Variants in KMT2E observed in about 807,000 individuals in gnomAD.
The protein encoded by KMT2E is lysine methyltransferase 2E (inactive), also known as histone reader KMT2E.
Under a neutral mutation model 184.6 loss-of-function variants are expected in KMT2E, and 30 were observed. The observed-to-expected ratio is 0.16, with a 90% confidence interval of 0.12 to 0.22. The LOEUF is 0.22. Ranked by LOEUF, KMT2E falls within the 10% of genes least tolerant of loss-of-function variation. The pLI is 1.00. For synonymous variants in KMT2E, 815 were observed against 776.5 expected, an observed-to-expected ratio of 1.05 and a Z score of -0.82; for missense variants, 2,023 against 2,237.4, an observed-to-expected ratio of 0.90 and a Z score of 1.93.
At chr7:105,076,909 TGTGTGTGTGTA>T in intron 9 of KMT2E, 43 bp from the exon 10 acceptor site, 1 of 804,382 alleles carries the variant, frequency 1.2e-6, no homozygotes, top group Admixed American at 2.0e-5. Flanking sequence ...TGTGTGTGTG[TGTGTGTGTGTA>T]AGTCCGTAAG....
chr7:105,109,346 G>T (rs906741430), intron 23 of KMT2E, 118 bp downstream of exon 23: 2 of 1,003,736 alleles, frequency 2.0e-6, no homozygotes, highest in Non-Finnish European at 2.9e-6. Flanking sequence ...AATTTTAAAA[G>T]ATTCTCTCTG....
intron 1 of KMT2E, among the ~76,000 whole-genome samples, chr7:105,037,384 A>G (rs1377449046): frequency 6.6e-6 from 1 of 151,770 alleles, no homozygotes; most frequent in African/African-American, 2.4e-5. Flanking sequence ...TTTTTTTAAG[A>G]CAGGGTCTCC....
chr7:105,015,597 G>T (rs1345127395), intron 1 of KMT2E, among the ~76,000 whole-genome samples: 1 of 152,104 alleles, frequency 6.6e-6, no homozygotes, highest in East Asian at 1.9e-4. Context: ...AAAATAGTCT[G>T]TTTTTTTCCT....
chr7:105,015,460 C>T (rs922728791), intron 1 of KMT2E, among the ~76,000 whole-genome samples: 4 of 152,076 alleles, frequency 2.6e-5, no homozygotes, highest in African/African-American at 2.4e-5. Context: ...GAGTAAACCT[C>T]GTTTTGCCTA....
chr7:105,064,098 G>A (rs1796930064), intron 5 of KMT2E: 1 of 417,280 alleles, frequency 2.4e-6, no homozygotes, highest in African/African-American at 2.1e-5. Flanking sequence ...ACCAAGAAAG[G>A]CCTCCTCCCC....
intron 7 of KMT2E, among the ~76,000 whole-genome samples, chr7:105,074,389 G>A (rs1343332838): frequency 2.6e-5 from 4 of 152,168 alleles, no homozygotes; most frequent in Non-Finnish European, 5.9e-5. Flanking sequence ...CACTCGTAGT[G>A]TATGAGAGTG....
At chr7:105,038,057 G>A (rs889227799) in intron 1 of KMT2E, 69 bp from the exon 2 acceptor site, 1 of 152,124 alleles carries the variant, frequency 6.6e-6, no homozygotes, top group Non-Finnish European at 1.5e-5. Context: ...TACCATGTCA[G>A]TTAGAAGTAA....
At chr7:105,043,409 T>C (rs1021934769) in intron 3 of KMT2E, among the ~76,000 whole-genome samples, 3 of 151,652 alleles carry the variant, frequency 2.0e-5, no homozygotes, top group Admixed American at 6.6e-5. Flanking sequence ...GCTAATTTTT[T>C]GTATTTTTAG....
intron 23 of KMT2E, among the ~76,000 whole-genome samples, chr7:105,110,046 G>A (rs1398312843): frequency 6.6e-6 from 1 of 151,942 alleles, no homozygotes; most frequent in Non-Finnish European, 1.5e-5. Context: ...TGCTGGCCAG[G>A]CTGGTCTCAG....
At chr7:105,066,358 GCTTA>G (rs1265452845) in intron 5 of KMT2E, among the ~76,000 whole-genome samples, 1 of 151,940 alleles carries the variant, frequency 6.6e-6, no homozygotes, top group Non-Finnish European at 1.5e-5. Context: ...TACACTGATA[GCTTA>G]CTATTTCCCA....
chr7:105,074,884 G>A, intron 8 of KMT2E, 69 bp downstream of exon 8: 4 of 1,144,772 alleles, frequency 3.5e-6, no homozygotes, highest in Non-Finnish European at 4.7e-6. Flanking sequence ...TATAGGAGAG[G>A]CAGGAGAGTG....
Position 105,057,665 on chromosome 7 carries a change from C to T in KMT2E, c.72-4499C>T, listed in dbSNP as rs191650541. The stretch of plus-strand genomic sequence containing the variant: ...GTGGGATCTTGCTGTGTTGCCCCGA[C>T]TGGTCATGAACTTCTGGCCTCAAGT... On this transcript the variant is annotated intron_variant, in intron 3 of 26. Transcript: ENST00000311117. Among the ~76,000 whole-genome samples the T allele has an allele frequency of 5.5e-4, 83 of 152,180 alleles. 2 individuals carry two copies. In the East Asian group the frequency reaches 0.016, roughly 29 times the overall value.
chr7:105,110,256 G>A, intron 23 of KMT2E, 24 bp from the exon 24 acceptor site: 4 of 1,584,988 alleles, frequency 2.5e-6, no homozygotes, highest in Non-Finnish European at 3.5e-6. Flanking sequence ...TTCAATAGAG[G>A]ATAATGTGAT....
chr7:105,029,580 G>T (rs1307772002), intron 1 of KMT2E, among the ~76,000 whole-genome samples: 2 of 152,184 alleles, frequency 1.3e-5, no homozygotes, highest in Non-Finnish European at 2.9e-5. Context: ...GGCCATGGCG[G>T]CTGAGGGAGA....
intron 13 of KMT2E, among the ~76,000 whole-genome samples, chr7:105,088,331 C>T (rs1030576784): frequency 3.3e-5 from 5 of 152,138 alleles, no homozygotes; most frequent in African/African-American, 4.8e-5. Context: ...ACATCTAGAA[C>T]GAGTTTCAAG....
Position 105,112,985 on chromosome 7 carries a change from T to C in KMT2E, c.5229T>C (p.Pro1743=), listed in dbSNP as rs770445089. The C allele has an allele frequency of 3.3e-5, 53 of 1,613,692 alleles. No homozygotes were observed. The highest frequency in any genetic ancestry group is 4.2e-5 in the Non-Finnish European group (50 of 1,179,952). ...TTSAQALHHP[P]HQGPPLFPSS... ...CAGCTCAAGCCTTACACCACCCACC[T>C]CATCAAGGACCTCCACTTTTTCCTT... Residue 1743 remains proline, a synonymous_variant, in exon 27 of 27, where the codon CCT becomes CCC. Coordinates refer to ENST00000311117, the MANE Select transcript of KMT2E (RefSeq NM_182931.3).
At chr7:105,077,455 T>C (rs745896642) in intron 11 of KMT2E, 22 bp downstream of exon 11, 25 of 1,578,804 alleles carry the variant, frequency 1.6e-5, no homozygotes, top group Non-Finnish European at 2.2e-5. Context: ...TATTTTCCCA[T>C]GTTCATTTTC....
intron 3 of KMT2E, among the ~76,000 whole-genome samples, chr7:105,043,894 C>T (rs965997163): frequency 6.6e-6 from 1 of 152,024 alleles, no homozygotes; most frequent in African/African-American, 2.4e-5. Context: ...AGTTTGAAAC[C>T]AGCCTGGGTA....
chr7:105,049,806 G>C (rs890949821), intron 3 of KMT2E, among the ~76,000 whole-genome samples: 1 of 152,090 alleles, frequency 6.6e-6, no homozygotes, highest in Non-Finnish European at 1.5e-5. Context: ...CAGGAGAATT[G>C]CTTGAACTCG....
Sources: allele counts gnomAD v4.1 joint callset (sites outside exome capture counted in the v4.1 genomes callset), GRCh38; gene constraint gnomAD v4.1.1; transcripts MANE v1.5; gene names NCBI Gene and HGNC (gene_info 2026-07-23, HGNC 2026-07-21).